Variants in TMEM45B observed in about 807,000 individuals in gnomAD.
TMEM45B encodes the protein transmembrane protein 45B.
In TMEM45B, 29 loss-of-function variants were observed where a neutral mutation model predicts 27.3. The observed-to-expected ratio is 1.06, with a 90% CI of 0.79 to 1.45. TMEM45B has a LOEUF of 1.45. Among genes scored for constraint, TMEM45B ranks in the 40% most tolerant of loss-of-function variants. The probability of loss-of-function intolerance (pLI) is 0.00; values close to 1 mark genes in which losing one functional copy is unlikely to be tolerated. For missense variants in TMEM45B, 348 were observed against 343.9 expected, an observed-to-expected ratio of 1.01 and a Z score of -0.09; for synonymous variants, 143 against 134.7, an observed-to-expected ratio of 1.06 and a Z score of -0.43.
At chr11:129,857,814 C>T (rs1367542925) in intron 5 of TMEM45B, among the ~76,000 whole-genome samples, 1 of 152,078 alleles carries the variant, frequency 6.6e-6, no homozygotes, top group Non-Finnish European at 1.5e-5. Flanking sequence ...CAGACCTGCC[C>T]TCCCTGCTTC....
intron 1 of TMEM45B, among the ~76,000 whole-genome samples, chr11:129,849,803 C>T (rs922937314): frequency 1.3e-5 from 2 of 152,180 alleles, no homozygotes; most frequent in South Asian, 2.1e-4. Flanking sequence ...ACCCCGCAGG[C>T]GCCTGGGCCC....
At chr11:129,841,584 G>GTTTTTTTTTTTTTTTTTTTTTT (rs1192996579) in intron 1 of TMEM45B, among the ~76,000 whole-genome samples, 1 of 102,578 alleles carries the variant, frequency 9.7e-6, no homozygotes, top group Non-Finnish European at 2.1e-5. Flanking sequence ...GTTTTCTTTT[G>GTTTTTTTTTTTTTTTTTTTTTT]TTTTTTTGTT....
At chr11:129,839,432 A>G (rs1259554204) in intron 1 of TMEM45B, among the ~76,000 whole-genome samples, 1 of 152,196 alleles carries the variant, frequency 6.6e-6, no homozygotes, top group African/African-American at 2.4e-5. Flanking sequence ...AAAACATTCA[A>G]TCCTCCCCTC....
intron 1 of TMEM45B, among the ~76,000 whole-genome samples, chr11:129,817,946 G>A (rs1947371741): frequency 6.6e-6 from 1 of 152,170 alleles, no homozygotes; most frequent in African/African-American, 2.4e-5. Flanking sequence ...TTTACTGTAA[G>A]AGAATTAAAG....
intron 1 of TMEM45B, among the ~76,000 whole-genome samples, chr11:129,832,015 G>A (rs1292123833): frequency 3.0e-5 from 4 of 132,956 alleles, no homozygotes; most frequent in Admixed American, 9.4e-5. Flanking sequence ...GCAGTGAGCC[G>A]AGACCACGCC....
intron 1 of TMEM45B, among the ~76,000 whole-genome samples, chr11:129,820,003 G>A (rs1407428271): frequency 6.6e-6 from 1 of 152,038 alleles, no homozygotes; most frequent in Non-Finnish European, 1.5e-5. Flanking sequence ...AGACAGACAC[G>A]TTGCCAATAC....
chr11:129,827,939 C>A (rs1308991072), intron 1 of TMEM45B, among the ~76,000 whole-genome samples: 1 of 152,042 alleles, frequency 6.6e-6, no homozygotes, highest in East Asian at 1.9e-4. Flanking sequence ...CACCGCCCTC[C>A]AGCCTGGGCA....
chr11:129,838,503 G>A (rs1451881323), intron 1 of TMEM45B, among the ~76,000 whole-genome samples: 3 of 151,908 alleles, frequency 2.0e-5, no homozygotes, highest in African/African-American at 7.3e-5. Context: ...CGCTCTTGTC[G>A]CTCTTCTTGC....
At chr11:129,847,501 C>T (rs369246629) in intron 1 of TMEM45B, among the ~76,000 whole-genome samples, 4,679 of 151,062 alleles carry the variant, frequency 0.031, 220 homozygotes, top group African/African-American at 0.11. Context: ...GGAAGGTCAG[C>T]AGATAAACAA....
intron 1 of TMEM45B, among the ~76,000 whole-genome samples, chr11:129,837,773 G>GTTT (rs1318427822): frequency 1.0e-5 from 1 of 99,452 alleles, no homozygotes; most frequent in Non-Finnish European, 2.0e-5. Flanking sequence ...ACCCAGGCTA[G>GTTT]TTTCTTTTTT....
In TMEM45B at chr11:129,858,653, A is replaced by G; in HGVS notation, c.796A>G (p.Thr266Ala). Residue 266 changes from threonine (T) to alanine (A), a missense_variant, in exon 6 of 6, where the codon ACC (threonine) becomes GCC (alanine). Physicochemically the swap from Thr to Ala is moderately conservative, Grantham distance 58. Transcript: ENST00000281441. ...GCTGAATTCAGATGACACTTACCAG[A>G]CCGCCCTCTTGAGTGGCTCAGATGA... ...QKLNSDDTYQ[T>A]ALLSGSDEE is the part of the protein sequence containing the mutation. 1 of 1,571,436 alleles carries G rather than the reference A, an allele frequency of 6.4e-7. No individual in the cohort carries two copies. The highest frequency in any genetic ancestry group is 8.6e-7 in the Non-Finnish European group (1 of 1,156,766).
chr11:129,843,824 G>T (rs1036888874), intron 1 of TMEM45B, among the ~76,000 whole-genome samples: 11 of 152,212 alleles, frequency 7.2e-5, no homozygotes, highest in African/African-American at 2.4e-4. Flanking sequence ...TGGATAAAGG[G>T]AACCTTTACA....
chr11:129,829,522 G>T (rs374307191), intron 1 of TMEM45B, among the ~76,000 whole-genome samples: 19 of 152,324 alleles, frequency 1.2e-4, no homozygotes, highest in African/African-American at 4.6e-4. Context: ...AGGTGGGAAT[G>T]ATATAGGGTA....
At chr11:129,850,010 T>A (rs1223378326) in intron 1 of TMEM45B, among the ~76,000 whole-genome samples, 1 of 152,200 alleles carries the variant, frequency 6.6e-6, no homozygotes, top group Non-Finnish European at 1.5e-5. Flanking sequence ...TTATCAGTCC[T>A]GTGGCCATAC....
chr11:129,851,459 G>A (rs962725331), intron 1 of TMEM45B, among the ~76,000 whole-genome samples: 5 of 145,096 alleles, frequency 3.4e-5, no homozygotes, highest in Admixed American at 1.4e-4. Flanking sequence ...CAGGAGAATC[G>A]CTTGAACCTG....
At chr11:129,841,741 C>A (rs746633285) in intron 1 of TMEM45B, among the ~76,000 whole-genome samples, 3 of 151,856 alleles carry the variant, frequency 2.0e-5, no homozygotes, top group Non-Finnish European at 4.4e-5. Context: ...AGATTACAGG[C>A]ACCCACTACC....
At chr11:129,829,481 A>T (rs1411183656) in intron 1 of TMEM45B, among the ~76,000 whole-genome samples, 3 of 152,314 alleles carry the variant, frequency 2.0e-5, no homozygotes, top group Middle Eastern at 3.4e-3. Flanking sequence ...TATCCATGCA[A>T]GAGAATTACA....
intron 1 of TMEM45B, among the ~76,000 whole-genome samples, chr11:129,827,420 G>A (rs989138098): frequency 2.0e-5 from 3 of 152,202 alleles, no homozygotes; most frequent in Non-Finnish European, 4.4e-5. Context: ...CTTCAAACCT[G>A]TACAGCACAT....
At chr11:129,856,108 A>G (rs116548615) in intron 4 of TMEM45B, among the ~76,000 whole-genome samples, 1,972 of 152,280 alleles carry the variant, frequency 0.013, 42 homozygotes, top group African/African-American at 0.045. Context: ...TCCAAAATTT[A>G]AAGCATGCAC....
Sources: allele counts gnomAD v4.1 joint callset (sites outside exome capture counted in the v4.1 genomes callset), GRCh38; gene constraint gnomAD v4.1.1; transcripts MANE v1.5; gene names NCBI Gene and HGNC (gene_info 2026-07-23, HGNC 2026-07-21).